Variants in DAAM1 observed in about 807,000 individuals in gnomAD.
The protein encoded by DAAM1 is disheveled-associated activator of morphogenesis 1.
A neutral mutation model predicts 130.0 loss-of-function variants in DAAM1; 52 were observed. That is an observed-to-expected ratio of 0.40 (90% CI 0.32 to 0.50). The LOEUF is 0.50. DAAM1 is among the 20% of genes least tolerant of loss of function. The pLI, the probability that DAAM1 is intolerant of heterozygous loss-of-function variation, is 0.61. For missense variants in DAAM1, 1,134 were observed against 1,303.8 expected (o/e 0.87, Z 2.01); for synonymous variants, 452 against 444.5 (o/e 1.02, Z -0.21).
At chr14:59,203,618 T>C (rs1244614389) in intron 1 of DAAM1, among the ~76,000 whole-genome samples, 3 of 152,202 alleles carry the variant, frequency 2.0e-5, no homozygotes, top group African/African-American at 7.2e-5. Flanking sequence ...CCACTTGAGA[T>C]ATGAGAATCT....
At chr14:59,254,752 A>G (rs1003723538) in intron 1 of DAAM1, among the ~76,000 whole-genome samples, 6 of 152,184 alleles carry the variant, frequency 3.9e-5, no homozygotes, top group African/African-American at 1.2e-4. Flanking sequence ...TATTGGCTTT[A>G]GGGATTTATA....
intron 1 of DAAM1, among the ~76,000 whole-genome samples, chr14:59,217,358 A>G (rs1334928775): frequency 2.6e-5 from 4 of 152,122 alleles, no homozygotes; most frequent in Admixed American, 6.5e-5. Context: ...CTGCATTACA[A>G]TTTTACTACT....
At chr14:59,266,648 C>A (rs1282647220) in intron 2 of DAAM1, among the ~76,000 whole-genome samples, 3 of 152,206 alleles carry the variant, frequency 2.0e-5, no homozygotes, top group African/African-American at 7.2e-5. Context: ...CTACTCTTGA[C>A]TTCAGGGACT....
intron 3 of DAAM1, among the ~76,000 whole-genome samples, chr14:59,291,844 A>G (rs1392425237): frequency 6.6e-6 from 1 of 152,256 alleles, no homozygotes; most frequent in East Asian, 1.9e-4. Flanking sequence ...CTCGTATCCC[A>G]CTGCTGGTTG....
chr14:59,240,108 T>C (rs1889429917), intron 1 of DAAM1, among the ~76,000 whole-genome samples: 1 of 152,210 alleles, frequency 6.6e-6, no homozygotes, highest in South Asian at 2.1e-4. Flanking sequence ...AATTTGATTC[T>C]TGGAAAATAA....
At chr14:59,222,742 A>G (rs1888817483) in intron 1 of DAAM1, among the ~76,000 whole-genome samples, 1 of 152,170 alleles carries the variant, frequency 6.6e-6, no homozygotes, top group African/African-American at 2.4e-5. Flanking sequence ...TAATATCTTC[A>G]TGTTTTTAGC....
At chr14:59,323,590 G>T (rs1885100518) in intron 6 of DAAM1, among the ~76,000 whole-genome samples, 1 of 152,082 alleles carries the variant, frequency 6.6e-6, no homozygotes, top group South Asian at 2.1e-4. Context: ...ATATTACTTG[G>T]ATGTAAAAAG....
chr14:59,288,755 G>A (rs1883573304), intron 2 of DAAM1, among the ~76,000 whole-genome samples: 1 of 151,686 alleles, frequency 6.6e-6, no homozygotes, highest in South Asian at 2.1e-4. Context: ...AGGCTTAACA[G>A]GAAGCATGAC....
At position 59,272,531 on chromosome 14, in the gene DAAM1, C is replaced by T. The variant is rs1355646618; in HGVS notation, c.183+8871C>T. Among the ~76,000 whole-genome samples, 6 of 152,004 alleles carry T rather than the reference C, an allele frequency of 3.9e-5. No homozygotes were observed. The South Asian group carries it at 8.3e-4, about 21-fold the overall frequency. ...GATGGAGGTTGCAGTGAGCCGAGGT[C>T]GGGCCACTGCACTCCAGCCTGGGCA... On this transcript the variant is annotated intron_variant, in intron 2 of 24. Coordinates refer to ENST00000360909, the MANE Select transcript of DAAM1 (RefSeq NM_001270520.2).
intron 8 of DAAM1, among the ~76,000 whole-genome samples, chr14:59,324,770 A>G (rs1885144793): frequency 6.6e-6 from 1 of 152,240 alleles, no homozygotes. Flanking sequence ...TTATAACTGC[A>G]AAAGATAGTG....
chr14:59,292,370 G>A (rs1385440551), intron 3 of DAAM1, among the ~76,000 whole-genome samples: 1 of 152,162 alleles, frequency 6.6e-6, no homozygotes, highest in Non-Finnish European at 1.5e-5. Flanking sequence ...ATTGGCCCAT[G>A]TGGCATCTCT....
At chr14:59,216,145 T>A (rs1438062493) in intron 1 of DAAM1, among the ~76,000 whole-genome samples, 2 of 152,162 alleles carry the variant, frequency 1.3e-5, no homozygotes, top group African/African-American at 4.8e-5. Context: ...TGTCCAGCCA[T>A]ACCTCCTCTG....
At chr14:59,222,686 C>T (rs540370983) in intron 1 of DAAM1, among the ~76,000 whole-genome samples, 2 of 152,310 alleles carry the variant, frequency 1.3e-5, no homozygotes, top group African/African-American at 4.8e-5. Context: ...ACTTGAAATC[C>T]TCCTCTGCTG....
At chr14:59,268,791 C>G (rs774111490) in intron 2 of DAAM1, among the ~76,000 whole-genome samples, 7 of 152,194 alleles carry the variant, frequency 4.6e-5, no homozygotes, top group Non-Finnish European at 8.8e-5. Flanking sequence ...CTCTCCCAGT[C>G]TTCCTCTGTG....
intron 1 of DAAM1, among the ~76,000 whole-genome samples, chr14:59,208,684 G>T (rs561721200): frequency 6.6e-6 from 1 of 152,108 alleles, no homozygotes; most frequent in East Asian, 1.9e-4. Flanking sequence ...ATATCATTTG[G>T]ATGTTTGTCC....
intron 2 of DAAM1, among the ~76,000 whole-genome samples, chr14:59,275,094 G>A (rs896738712): frequency 2.0e-5 from 3 of 152,200 alleles, no homozygotes; most frequent in Non-Finnish European, 2.9e-5. Context: ...CAGTGCTGGT[G>A]CTATCGAAGG....
At chr14:59,319,586 G>A (rs1884924867) in intron 4 of DAAM1, among the ~76,000 whole-genome samples, 1 of 152,238 alleles carries the variant, frequency 6.6e-6, no homozygotes, top group Middle Eastern at 3.4e-3. Flanking sequence ...TTCAGAATAG[G>A]ATGAAGAAAA....
intron 1 of DAAM1, among the ~76,000 whole-genome samples, chr14:59,251,481 G>A (rs1342849227): frequency 2.7e-5 from 4 of 149,118 alleles, no homozygotes; most frequent in African/African-American, 7.4e-5. Context: ...TTAGAGGATC[G>A]TATATCTAAA....
chr14:59,201,814 C>A (rs1465129200), intron 1 of DAAM1, among the ~76,000 whole-genome samples: 1 of 149,730 alleles, frequency 6.7e-6, no homozygotes. Context: ...AAAAAAAATT[C>A]ATGTCCATTT....
Sources: allele counts gnomAD v4.1 joint callset (sites outside exome capture counted in the v4.1 genomes callset), GRCh38; gene constraint gnomAD v4.1.1; transcripts MANE v1.5; gene names NCBI Gene and HGNC (gene_info 2026-07-23, HGNC 2026-07-21).